Variants in NAALADL2 observed in about 807,000 individuals in gnomAD.
The protein encoded by NAALADL2 is inactive N-acetylated-alpha-linked acidic dipeptidase-like protein 2.
In NAALADL2, 76 loss-of-function variants were observed where a neutral mutation model predicts 87.2. The ratio of observed to expected loss-of-function variants is 0.87; its 90% CI spans 0.72 to 1.05. The LOEUF (loss-of-function observed/expected upper bound fraction) is 1.05. NAALADL2 is among the 50% of genes least tolerant of loss of function. NAALADL2 has a pLI of 0.00. For missense variants in NAALADL2, 1,089 were observed against 945.8 expected, an observed-to-expected ratio of 1.15 and a Z score of -1.99; for synonymous variants, 354 against 331.0, an observed-to-expected ratio of 1.07 and a Z score of -0.75.
chr3:175,052,591 G>A (rs1755558966), intron 1 of NAALADL2, among the ~76,000 whole-genome samples: 2 of 152,150 alleles, frequency 1.3e-5, no homozygotes, highest in Non-Finnish European at 2.9e-5. Flanking sequence ...GTTACTAGCT[G>A]CTAATCTGTC....
intron 11 of NAALADL2, among the ~76,000 whole-genome samples, chr3:175,728,725 T>C (rs1743262664): frequency 6.6e-6 from 1 of 152,172 alleles, no homozygotes; most frequent in African/African-American, 2.4e-5. Context: ...TTTATCAGGT[T>C]ATGCCTCTGC....
intron 1 of NAALADL2, among the ~76,000 whole-genome samples, chr3:174,518,710 G>A (rs111839321): frequency 0.024 from 3,582 of 152,104 alleles, 139 homozygotes; most frequent in African/African-American, 0.082. Flanking sequence ...AGTTAGTTAG[G>A]TTTTCTCTTG....
At chr3:175,078,279 C>T (rs1717027396) in intron 1 of NAALADL2, among the ~76,000 whole-genome samples, 1 of 152,054 alleles carries the variant, frequency 6.6e-6, no homozygotes, top group African/African-American at 2.4e-5. Context: ...CCCGCATTGG[C>T]CTCCCAAATA....
At chr3:175,577,824 G>A (rs978383395) in intron 10 of NAALADL2, among the ~76,000 whole-genome samples, 2 of 152,002 alleles carry the variant, frequency 1.3e-5, no homozygotes, top group Non-Finnish European at 2.9e-5. Flanking sequence ...AACTCTCTGA[G>A]GAACAGAATA....
intron 1 of NAALADL2, among the ~76,000 whole-genome samples, chr3:175,047,884 A>G (rs1468308458): frequency 1.3e-5 from 2 of 152,196 alleles, no homozygotes; most frequent in Non-Finnish European, 2.9e-5. Context: ...TTTGTGTGTG[A>G]CCTTTTAAGA....
chr3:175,541,901 A>G (rs1471604467), intron 9 of NAALADL2, among the ~76,000 whole-genome samples: 1 of 152,164 alleles, frequency 6.6e-6, no homozygotes, highest in Non-Finnish European at 1.5e-5. Context: ...TTGTACTTTT[A>G]GAAGAGATGG....
chr3:174,888,755 G>A (rs1730511457), intron 1 of NAALADL2, among the ~76,000 whole-genome samples: 1 of 152,082 alleles, frequency 6.6e-6, no homozygotes, highest in Non-Finnish European at 1.5e-5. Context: ...GGTTTGTTTT[G>A]TTGGTAACAG....
At chr3:175,778,956 T>TCA (rs1300887255) in intron 13 of NAALADL2, among the ~76,000 whole-genome samples, 4 of 152,034 alleles carry the variant, frequency 2.6e-5, no homozygotes, top group South Asian at 2.1e-4. Flanking sequence ...CTGAGAGCCA[T>TCA]CACACACACA....
rs528794501 is a variant in NAALADL2, at chr3:175,157,536, A to T, written c.545+60245A>T. ...GTATATCTGTAAAATTTACAATTAA[A>T]CAACTCTGAATTAGCCTTCTTATTA... On this transcript the variant is annotated intron_variant, in intron 2 of 13. Transcript: ENST00000454872. Among the ~76,000 whole-genome samples, 3 of 152,232 alleles carry T rather than the reference A, an allele frequency of 2.0e-5. No homozygotes were observed. The East Asian group carries it at 5.8e-4, about 29-fold the overall frequency.
intron 1 of NAALADL2, among the ~76,000 whole-genome samples, chr3:174,924,514 A>G (rs1342712961): frequency 2.0e-5 from 3 of 152,080 alleles, no homozygotes; most frequent in Admixed American, 1.3e-4. Flanking sequence ...TAGTGCCGCA[A>G]TAAACATACA....
At chr3:174,441,557 C>T (rs1033924638) in intron 1 of NAALADL2, among the ~76,000 whole-genome samples, 1 of 152,176 alleles carries the variant, frequency 6.6e-6, no homozygotes, top group African/African-American at 2.4e-5. Context: ...CTCCAGTGGA[C>T]GCCCAGGATG....
chr3:175,603,710 G>A lies in NAALADL2; in HGVS notation c.1801-23581G>A, dbSNP rs553433909. 7.9e-5 allele frequency among the ~76,000 whole-genome samples: 12 copies of A among 152,170 alleles called. No homozygotes were observed. The South Asian group carries it at 1.0e-3, about 13-fold the overall frequency. ...TGTATAGGCTGCATTTTGCTTATCC[G>A]GTCATTTGTAGATGGATACTGGGTT... On this transcript the variant is annotated intron_variant, in intron 10 of 13. Transcript: ENST00000454872.
At chr3:174,640,436 T>C (rs1394785105) in intron 2 of NAALADL2, among the ~76,000 whole-genome samples, 1 of 149,950 alleles carries the variant, frequency 6.7e-6, no homozygotes, top group Non-Finnish European at 1.5e-5. Context: ...CCCAGATCAA[T>C]TTTATAGAAG....
chr3:175,562,126 A>C (rs1716372401), intron 9 of NAALADL2, among the ~76,000 whole-genome samples: 1 of 152,146 alleles, frequency 6.6e-6, no homozygotes, highest in African/African-American at 2.4e-5. Flanking sequence ...AGAATTTCCA[A>C]GGTAAATTTT....
At chr3:174,847,999 TTC>T (rs201884657) in intron 3 of NAALADL2, among the ~76,000 whole-genome samples, 33 of 147,554 alleles carry the variant, frequency 2.2e-4, no homozygotes, top group Admixed American at 2.7e-4. Flanking sequence ...TCTAACTCTT[TTC>T]TCTCTCTTTT....
At chr3:174,712,464 T>G (rs1249649129) in intron 2 of NAALADL2, among the ~76,000 whole-genome samples, 1 of 136,288 alleles carries the variant, frequency 7.3e-6, no homozygotes, top group Non-Finnish European at 1.5e-5. Flanking sequence ...CTTGGCTCAC[T>G]GCAAGCTCCA....
chr3:174,587,576 G>T (rs1716869078), intron 2 of NAALADL2, among the ~76,000 whole-genome samples: 1 of 152,140 alleles, frequency 6.6e-6, no homozygotes, highest in East Asian at 1.9e-4. Flanking sequence ...GTCTGGTGGT[G>T]ACAAAATCTC....
intron 1 of NAALADL2, among the ~76,000 whole-genome samples, chr3:174,969,020 A>G (rs968471850): frequency 6.6e-6 from 1 of 152,174 alleles, no homozygotes; most frequent in Non-Finnish European, 1.5e-5. Context: ...ATGCCACATA[A>G]AATAGGGAGA....
intron 7 of NAALADL2, among the ~76,000 whole-genome samples, chr3:175,464,525 C>T (rs73186750): frequency 0.023 from 3,520 of 152,154 alleles, 58 homozygotes; most frequent in South Asian, 0.039. Flanking sequence ...TCACATATTA[C>T]TGTCTAATGT....
Sources: allele counts gnomAD v4.1 joint callset (sites outside exome capture counted in the v4.1 genomes callset), GRCh38; gene constraint gnomAD v4.1.1; transcripts MANE v1.5; gene names NCBI Gene and HGNC (gene_info 2026-07-23, HGNC 2026-07-21).